WDCP: variants seen among roughly 807,000 people sequenced by gnomAD.
WDCP encodes WD repeat and coiled coil containing.
Under a neutral mutation model 41.6 loss-of-function variants are expected in WDCP, and 19 were observed. The observed-to-expected ratio is 0.46, with a 90% confidence interval of 0.32 to 0.67. The LOEUF is 0.67. Among genes scored for constraint, WDCP ranks in the 30% least tolerant of loss-of-function variants. WDCP has a pLI of 0.04. For missense variants in WDCP, 802 were observed against 850.7 expected (o/e 0.94, Z 0.71); for synonymous variants, 302 against 320.8 (o/e 0.94, Z 0.63).
rs148963270 is a variant in WDCP at position 24,036,118 on chromosome 2, T to C, written c.1818+1559A>G. ...TAAATAAATAAATAAAATAAAATGC[T>C]CCTCACAGCAAAGCTGTGACTTAAA... On this transcript the variant is annotated intron_variant, in intron 2 of 3. Transcript: ENST00000295148. 3.6e-3 allele frequency among the ~76,000 whole-genome samples: 530 copies of C among 146,922 alleles called. 6 individuals are homozygous for C. The highest frequency in any genetic ancestry group is 0.013 in the African/African-American group (513 of 40,466).
chr2:24,044,289 G>C (rs756520613), intron 1 of WDCP, among the ~76,000 whole-genome samples: 2 of 151,766 alleles, frequency 1.3e-5, no homozygotes, highest in Non-Finnish European at 2.9e-5. Flanking sequence ...GGGGGCGTGG[G>C]GGCACAGTCT....
rs3215178 is a variant in WDCP at position 24,030,137 on chromosome 2, T to TA, written c.*795dup. 3,325 of 145,052 alleles carry TA rather than the reference T, an allele frequency of 0.023. 38 individuals are homozygous for TA. Among genetic ancestry groups the TA allele is most frequent in the South Asian group, 0.04 (180 of 4,556 alleles). The allele number at this position is 145,052 out of a possible 1,614,324, so 9.0% of individuals were successfully genotyped here. A position where few individuals can be genotyped will look rare whatever the true frequency, so the allele number is the denominator to read the frequency against. On this transcript the variant is annotated 3_prime_UTR_variant, in exon 4 of 4. Coordinates refer to ENST00000295148, the MANE Select transcript of WDCP (RefSeq NM_025203.3). Reference sequence around the variant, plus strand: ...AGTTGCGTGATCCCAAAACTGGATTTAAAAAAAAAAAAAGTTATTTCAGGG... The same window carrying TA: ...AGTTGCGTGATCCCAAAACTGGATTTAAAAAAAAAAAAAAGTTATTTCAGGG...
intron 2 of WDCP, among the ~76,000 whole-genome samples, chr2:24,036,353 A>G (rs1179907477): frequency 6.6e-6 from 1 of 152,082 alleles, no homozygotes; most frequent in South Asian, 2.1e-4. Context: ...TAAAAAAAAA[A>G]AAAATTAGCC....
At chr2:24,041,357 T>G (rs1210327176) in intron 1 of WDCP, among the ~76,000 whole-genome samples, 1 of 146,462 alleles carries the variant, frequency 6.8e-6, no homozygotes, top group Non-Finnish European at 1.5e-5. Flanking sequence ...AAAAAAAAAC[T>G]GTTCCCTCCT....
At chr2:24,044,817 TAAAAAAAAAAA>T (rs747340836) in intron 1 of WDCP, among the ~76,000 whole-genome samples, 2 of 103,928 alleles carry the variant, frequency 1.9e-5, no homozygotes, top group African/African-American at 7.2e-5. Flanking sequence ...GAATTATCTT[TAAAAAAAAAAA>T]AAAAAAAAAA....
At chr2:24,036,969 A>G (rs1425201027) in intron 2 of WDCP, among the ~76,000 whole-genome samples, 6 of 152,388 alleles carry the variant, frequency 3.9e-5, no homozygotes, top group African/African-American at 1.4e-4. Flanking sequence ...GATCCCACTT[A>G]TATAATGTTT....
chr2:24,038,883 G>T lies in WDCP; in HGVS notation c.612C>A (p.Ser204Arg). The T allele has an allele frequency of 6.2e-7, 1 of 1,614,196 alleles. No homozygotes were observed. Among genetic ancestry groups the T allele is most frequent in the Non-Finnish European group, 8.5e-7 (1 of 1,180,032 alleles). ...CAGTTGCTGTGATGGAGCAGACGTGGCTGTCCACATCAAACACCAGGCAGG... is the reference window on the plus strand; with the variant it reads ...CAGTTGCTGTGATGGAGCAGACGTGTCTGTCCACATCAAACACCAGGCAGG... ...CSSCLVFDVD[S>R]HVCSITATVD... The change falls in exon 2 of 4, where the codon AGC (serine) becomes AGA (arginine). Residue 204 changes from serine (S) to arginine (R), a missense_variant. Transcript: ENST00000295148.
Position 24,039,405 on chromosome 2 carries a change from A to G in WDCP, c.90T>C (p.Asp30=). The G allele has an allele frequency of 6.2e-7, 1 of 1,614,258 alleles. No individual in the cohort carries two copies. The highest frequency in any genetic ancestry group is 8.5e-7 in the Non-Finnish European group (1 of 1,180,038). ...AATCAGTTAGGACAACTTGATTCCCATCGGTCCAGGCAAGGCCATGGATCG... is the reference window on the plus strand; with the variant it reads ...AATCAGTTAGGACAACTTGATTCCCGTCGGTCCAGGCAAGGCCATGGATCG... ...VHPIHGLAWT[D]GNQVVLTDLR... The change falls in exon 2 of 4, where the codon GAT becomes GAC. Residue 30 remains aspartate (D), a synonymous_variant. Coordinates refer to ENST00000295148, the MANE Select transcript of WDCP (RefSeq NM_025203.3).
In WDCP at chr2:24,030,061, T is replaced by A. The variant is rs1663059809; in HGVS notation, c.*872A>T. 4 of 152,246 alleles carry A rather than the reference T, an allele frequency of 2.6e-5. No homozygotes were observed. The South Asian group carries it at 8.3e-4, about 32-fold the overall frequency. The allele number at this position is 152,246 out of a possible 1,614,324, so 9.4% of individuals were successfully genotyped here. On this transcript the variant is annotated 3_prime_UTR_variant, in exon 4 of 4. Coordinates refer to ENST00000295148, the MANE Select transcript of WDCP (RefSeq NM_025203.3). ...AAGGAGAGAAAATAAAAATATCAAA[T>A]TAAAGTGACAAGTTAACTAAGGGAG... is the stretch of plus-strand genomic sequence containing the variant.
rs967496549 is a variant in WDCP at position 24,030,305 on chromosome 2, CA to C, written c.*627del. 1 of 152,120 alleles carries C rather than the reference CA, an allele frequency of 6.6e-6. No individual in the cohort carries two copies. Among genetic ancestry groups the C allele is most frequent in the African/African-American group, 2.4e-5 (1 of 41,422 alleles). 9.4% of individuals were successfully genotyped at this position (152,120 alleles called of 1,614,324 possible). A position where few individuals can be genotyped will look rare whatever the true frequency, so the allele number is the denominator to read the frequency against. ...ATTTCATTCAAAATTTTCCCAGGGCCAGTTTTTAAGAGTACCTGGACCTTCG... is the reference window on the plus strand; with the variant it reads ...ATTTCATTCAAAATTTTCCCAGGGCCGTTTTTAAGAGTACCTGGACCTTCG... On this transcript the variant is annotated 3_prime_UTR_variant, in exon 4 of 4. Transcript: ENST00000295148.
In WDCP at chr2:24,038,934, A is replaced by C; in HGVS notation, c.561T>G (p.Ala187=). 1.2e-6 allele frequency: 2 copies of C among 1,614,208 alleles called. No homozygotes were observed. Among genetic ancestry groups the C allele is most frequent in the African/African-American group, 2.7e-5 (2 of 75,050 alleles). ...SSLHSYIWDS[A]QKTLHRCSSC... ...AGGAGCACCTGTGAAGAGTCTTCTG[A>C]GCGCTGTCCCAAATATAAGAATGCA... The change falls in exon 2 of 4, where the codon GCT becomes GCG. Residue 187 remains alanine, a synonymous_variant. Coordinates refer to ENST00000295148, the MANE Select transcript of WDCP (RefSeq NM_025203.3).
Position 24,038,046 on chromosome 2 carries a change from A to C in WDCP, c.1449T>G (p.Asn483Lys). The C allele has an allele frequency of 6.2e-7, 1 of 1,614,200 alleles. No individual in the cohort carries two copies. The highest frequency in any genetic ancestry group is 1.1e-5 in the South Asian group (1 of 91,074). ...CAGGCCTTCCATTCTGACTACTGGT[A>C]TTAACTGTCAGCAACAGCCCTTTGT... is the stretch of plus-strand genomic sequence containing the variant. ...HQNKGLLLTV[N>K]TSSQNGRPGR... The change falls in exon 2 of 4, where the codon AAT (asparagine) becomes AAG (lysine). Residue 483 changes from asparagine to lysine, a missense_variant. Transcript: ENST00000295148.
chr2:24,039,305 AC>A lies in WDCP; in HGVS notation c.189del (p.Leu63PhefsTer39). 1 of 1,614,246 alleles carries A rather than the reference AC, an allele frequency of 6.2e-7. No homozygotes were observed. The highest frequency in any genetic ancestry group is 8.5e-7 in the Non-Finnish European group (1 of 1,180,044). On this transcript the variant is annotated frameshift_variant, in exon 2 of 4. Transcript: ENST00000295148. LOFTEE classifies it high-confidence loss of function. ...VIGQFECVCG[L>X]SWAPPVADDT... ...TCATCTGCAACAGGTGGGGCCCAGGACAACCCACAGACACATTCAAACTGTC... is the reference window on the plus strand; with the variant it reads ...TCATCTGCAACAGGTGGGGCCCAGGAAACCCACAGACACATTCAAACTGTC...
intron 2 of WDCP, among the ~76,000 whole-genome samples, chr2:24,035,756 A>G (rs1275550134): frequency 6.6e-6 from 1 of 151,138 alleles, no homozygotes; most frequent in Non-Finnish European, 1.5e-5. Context: ...CTCTATAGTT[A>G]AAAAAAAATT....
rs889930044 is a variant in WDCP at position 24,029,365 on chromosome 2, T to A, written c.*1568A>T. ...GCCACAATAACCATTAGTGATTTTA[T>A]TGAAGACTTATTCACAGTATTTTGA... On this transcript the variant is annotated 3_prime_UTR_variant, in exon 4 of 4. Transcript: ENST00000295148. 1.3e-5 allele frequency: 2 copies of A among 152,250 alleles called. No individual in the cohort carries two copies. Among genetic ancestry groups the A allele is most frequent in the African/African-American group, 4.8e-5 (2 of 41,468 alleles). The allele number at this position is 152,250 out of a possible 1,614,324, so 9.4% of individuals were successfully genotyped here. A position where few individuals can be genotyped will look rare whatever the true frequency, so the allele number is the denominator to read the frequency against.
At chr2:24,045,397 T>C (rs1318523198) in intron 1 of WDCP, among the ~76,000 whole-genome samples, 1 of 151,138 alleles carries the variant, frequency 6.6e-6, no homozygotes, top group Non-Finnish European at 1.5e-5. Context: ...AGGTCAGGAG[T>C]TCGACACCAC....
Position 24,038,731 on chromosome 2 carries a change from C to G in WDCP, c.764G>C (p.Gly255Ala), listed in dbSNP as rs150854386. The change falls in exon 2 of 4, where the codon GGT becomes GCT. Residue 255 changes from glycine to alanine, a missense_variant. Physicochemically the swap from Gly to Ala is moderately conservative, Grantham distance 60. Coordinates refer to ENST00000295148, the MANE Select transcript of WDCP (RefSeq NM_025203.3). ...DMTPYALPVI[G>A]EVRSMDKEAT... is the part of the protein sequence containing the mutation. ...CTCTTTATCCATAGAGCGTACTTCA[C>G]CAATAACTGGTAAAGCATACGGAGT... The G allele has an allele frequency of 2.5e-6, 4 of 1,614,054 alleles. No individual in the cohort carries two copies. Among genetic ancestry groups the G allele is most frequent in the Admixed American group, 1.7e-5 (1 of 59,996 alleles).
At position 24,038,583 on chromosome 2, in the gene WDCP, T is replaced by A; in HGVS notation, c.912A>T (p.Arg304Ser). 6.2e-7 allele frequency: 1 copy of A among 1,614,088 alleles called. No homozygotes were observed. Among genetic ancestry groups the A allele is most frequent in the Non-Finnish European group, 8.5e-7 (1 of 1,179,968 alleles). Residue 304 changes from arginine to serine, a missense_variant, in exon 2 of 4, where the codon AGA becomes AGT. Physicochemically the swap from Arg to Ser is moderately radical, Grantham distance 110. Coordinates refer to ENST00000295148, the MANE Select transcript of WDCP (RefSeq NM_025203.3). ...KSEGNSLICL[R>S]KKDYLTGTGQ... The stretch of plus-strand genomic sequence containing the variant: ...CAGTTCCTGTCAAGTAGTCCTTTTT[T>A]CTTAGACAAATAAGAGAATTACCCT...
At chr2:24,041,024 A>AAAC (rs1056597250) in intron 1 of WDCP, among the ~76,000 whole-genome samples, 2 of 151,868 alleles carry the variant, frequency 1.3e-5, no homozygotes, top group African/African-American at 2.4e-5. Flanking sequence ...CTCAAAAAAG[A>AAAC]AACAACAACA....
Sources: gnomAD v4.1 joint callset for allele counts (sites outside exome capture counted in the v4.1 genomes callset) on GRCh38, gnomAD v4.1.1 for gene constraint, MANE v1.5 for transcripts, NCBI Gene and HGNC (gene_info 2026-07-23, HGNC 2026-07-21) for gene names.